The following AGPAT3 variants were observed in gnomAD, a reference collection of about 807,000 sequenced individuals.
The protein encoded by AGPAT3 is 1-acylglycerol-3-phosphate O-acyltransferase 3.
AGPAT3 carries 5 observed loss-of-function variants against 47.3 expected under a neutral mutation model. The ratio of observed to expected loss-of-function variants is 0.11; its 90% CI spans 0.06 to 0.22. The LOEUF (loss-of-function observed/expected upper bound fraction) is 0.22. Among genes scored for constraint, AGPAT3 ranks in the 10% least tolerant of loss-of-function variants. The probability of loss-of-function intolerance (pLI) is 1.00; values close to 1 mark genes in which losing one functional copy is unlikely to be tolerated. For missense variants in AGPAT3, 315 were observed against 493.0 expected (o/e 0.64, Z 3.42); for synonymous variants, 212 against 208.3 (o/e 1.02, Z -0.15).
chr21:43,959,213 C>T (rs1163727297), intron 2 of AGPAT3, among the ~76,000 whole-genome samples: 1 of 85,362 alleles, frequency 1.2e-5, no homozygotes, highest in Non-Finnish European at 2.2e-5. Context: ...TGATGTGTGG[C>T]ATGTGGGGTT....
Position 43,982,216 on chromosome 21 carries a change from C to A in AGPAT3, c.1043-88C>A. ...CGGGGCAGAGGGACAGGGTCTGGGG[C>A]AGAGGAAGGAAGCCCCAGTAACACG... is the stretch of plus-strand genomic sequence containing the variant. On this transcript the variant is annotated intron_variant, in intron 9 of 9. Transcript: ENST00000291572. This position sits in a 1 kb window ranked among gnomAD's most constrained non-coding sequence, Gnocchi z 6.2. 2 of 971,162 alleles carry A rather than the reference C, an allele frequency of 2.1e-6. No individual in the cohort carries two copies. Among genetic ancestry groups the A allele is most frequent in the Non-Finnish European group, 1.6e-6 (1 of 619,942 alleles). The allele number at this position is 971,162 out of a possible 1,614,324, so 60.2% of individuals were successfully genotyped here.
rs565540296 is a variant in AGPAT3, at chr21:43,865,952, C to G, written c.-112+607C>G. 7.4e-4 allele frequency among the ~76,000 whole-genome samples: 112 copies of G among 152,178 alleles called. No individual in the cohort carries two copies. In the South Asian group the frequency reaches 0.01, roughly 14 times the overall value. On this transcript the variant is annotated intron_variant, in intron 1 of 9. Transcript: ENST00000291572. ...TTGGCTGTGGGTTCGGCCCGGAGAC[C>G]GGCGGCGCGTTTGCACCGGGCGGGT...
intron 2 of AGPAT3, among the ~76,000 whole-genome samples, chr21:43,945,250 G>T (rs1351501825): frequency 2.0e-5 from 3 of 152,168 alleles, no homozygotes; most frequent in African/African-American, 7.2e-5. Flanking sequence ...TCATCCCGGG[G>T]TCGCACCTTG....
At position 43,930,619 on chromosome 21, in the gene AGPAT3, G is replaced by A. The variant is rs185732823; in HGVS notation, c.-49+26600G>A. Among the ~76,000 whole-genome samples, 6 of 152,094 alleles carry A rather than the reference G, an allele frequency of 3.9e-5. No individual in the cohort carries two copies. Among genetic ancestry groups the A allele is most frequent in the African/African-American group, 9.7e-5 (4 of 41,414 alleles). ...GGTGTCCACAGTGGGCAGGCCTGGCGGGGTGAGGGTGGGTGGGTGTTTCTG... is the reference window on the plus strand; with the variant it reads ...GGTGTCCACAGTGGGCAGGCCTGGCAGGGTGAGGGTGGGTGGGTGTTTCTG... On this transcript the variant is annotated intron_variant, in intron 2 of 9. Transcript: ENST00000291572. The surrounding 1 kb of genome is among the most constrained non-coding windows in gnomAD (Gnocchi z 5.0).
chr21:43,940,053 C>A (rs977040548), intron 2 of AGPAT3, among the ~76,000 whole-genome samples: 1 of 152,176 alleles, frequency 6.6e-6, no homozygotes, highest in South Asian at 2.1e-4. Flanking sequence ...GCAGGTGGCA[C>A]CCTGGGGGTG....
At chr21:43,916,353 T>A (rs2086729067) in intron 2 of AGPAT3, 1 of 152,240 alleles carries the variant, frequency 6.6e-6, no homozygotes, top group Non-Finnish European at 1.5e-5. Flanking sequence ...TCTCCTGCCT[T>A]CACATGCTGA....
chr21:43,949,710 T>C (rs1463680077), intron 2 of AGPAT3, among the ~76,000 whole-genome samples: 2 of 152,272 alleles, frequency 1.3e-5, no homozygotes, highest in Non-Finnish European at 2.9e-5. Context: ...TCTGCTTTTG[T>C]ATCTTTCAAG....
chr21:43,976,370 T>C (rs1474492392), intron 7 of AGPAT3, among the ~76,000 whole-genome samples: 1 of 152,138 alleles, frequency 6.6e-6, no homozygotes, highest in Non-Finnish European at 1.5e-5. Flanking sequence ...TGGCTAATTT[T>C]TGTAGTCTTA....
chr21:43,888,050 T>C (rs1198649818), intron 1 of AGPAT3, among the ~76,000 whole-genome samples: 2 of 152,206 alleles, frequency 1.3e-5, no homozygotes, highest in African/African-American at 4.8e-5. Flanking sequence ...TTTTTGTTTG[T>C]TTATTTTTGA....
chr21:43,926,668 T>TA (rs1358672966), intron 2 of AGPAT3, among the ~76,000 whole-genome samples: 5 of 91,320 alleles, frequency 5.5e-5, no homozygotes, highest in African/African-American at 1.7e-4. Flanking sequence ...TTTTTTTTAA[T>TA]AAAAAGGAGG....
intron 1 of AGPAT3, among the ~76,000 whole-genome samples, chr21:43,878,228 G>A (rs1282803294): frequency 6.6e-6 from 1 of 152,190 alleles, no homozygotes; most frequent in African/African-American, 2.4e-5. Context: ...TAGCCTGCCT[G>A]GAACACACTT....
In AGPAT3 at chr21:43,982,654, G is replaced by A. The variant is rs1011876504; in HGVS notation, c.*262G>A. On this transcript the variant is annotated 3_prime_UTR_variant, in exon 10 of 10. Coordinates refer to ENST00000291572, the MANE Select transcript of AGPAT3 (RefSeq NM_020132.5). The surrounding 1 kb of genome is among the most constrained non-coding windows in gnomAD (Gnocchi z 6.2). ...GCCGGAGAGGCCTCCCGCGGACGCC[G>A]TCTCTCCAGAACTCCGCTTCCAAGA... The A allele has an allele frequency of 3.8e-5, 12 of 317,544 alleles. No individual in the cohort carries two copies. The highest frequency in any genetic ancestry group is 5.0e-5 in the Admixed American group (1 of 19,858). The allele number at this position is 317,544 out of a possible 1,614,324, so 19.7% of individuals were successfully genotyped here.
intron 1 of AGPAT3, among the ~76,000 whole-genome samples, chr21:43,890,736 T>C (rs1255737483): frequency 1.3e-5 from 2 of 148,452 alleles, no homozygotes; most frequent in Non-Finnish European, 3.0e-5. Context: ...TTCATTTATT[T>C]ATTTATTTAT....
At chr21:43,929,906 G>C (rs977123159) in intron 2 of AGPAT3, among the ~76,000 whole-genome samples, 1 of 152,228 alleles carries the variant, frequency 6.6e-6, no homozygotes, top group Non-Finnish European at 1.5e-5. Flanking sequence ...CGCTCCCAGC[G>C]AGCTCACAGT....
intron 1 of AGPAT3, among the ~76,000 whole-genome samples, chr21:43,875,541 G>T (rs1357587962): frequency 6.6e-6 from 1 of 152,152 alleles, no homozygotes; most frequent in Non-Finnish European, 1.5e-5. Context: ...TTCATTCCAG[G>T]TTATTTCTTC....
chr21:43,969,844 C>G (rs1036395302), intron 5 of AGPAT3, among the ~76,000 whole-genome samples: 1 of 151,986 alleles, frequency 6.6e-6, no homozygotes, highest in South Asian at 2.1e-4. Context: ...ATTACAGGTG[C>G]GTGCCACCAC....
chr21:43,879,763 C>T (rs1393716032), intron 1 of AGPAT3, among the ~76,000 whole-genome samples: 1 of 151,428 alleles, frequency 6.6e-6, no homozygotes, highest in Non-Finnish European at 1.5e-5. Flanking sequence ...GGCTGGGCCG[C>T]CCGGGGATGA....
rs141777354 is a variant in AGPAT3 at position 43,942,722 on chromosome 21, G to A, written c.-48-16912G>A. Among the ~76,000 whole-genome samples, 1,464 of 152,242 alleles carry A rather than the reference G, an allele frequency of 9.6e-3. 15 individuals carry two copies. The highest frequency in any genetic ancestry group is 0.03 in the African/African-American group (1,267 of 41,558). On this transcript the variant is annotated intron_variant, in intron 2 of 9. Transcript: ENST00000291572. ...GGCCCTGCAGCCACGCCTGCCCGCG[G>A]TCACCCTAGGGTGCAGCGGTCACCC...
intron 7 of AGPAT3, among the ~76,000 whole-genome samples, chr21:43,972,196 A>G (rs1283353921): frequency 1.3e-5 from 2 of 151,790 alleles, no homozygotes; most frequent in Non-Finnish European, 1.5e-5. Flanking sequence ...CCAGGCTGGC[A>G]TGCAGTGGCT....
Sources: allele counts gnomAD v4.1 joint callset (sites outside exome capture counted in the v4.1 genomes callset), GRCh38; gene constraint gnomAD v4.1.1; non-coding constraint Gnocchi (gnomAD v3.1); transcripts MANE v1.5; gene names NCBI Gene and HGNC (gene_info 2026-07-23, HGNC 2026-07-21).